Variants in RERE observed in about 807,000 individuals in gnomAD.
The protein encoded by RERE is arginine-glutamic acid dipeptide repeats protein.
RERE carries 40 observed loss-of-function variants against 146.1 expected under a neutral mutation model. The observed-to-expected ratio is 0.27, with a 90% CI of 0.21 to 0.36. The LOEUF (loss-of-function observed/expected upper bound fraction) is 0.36. Among genes scored for constraint, RERE ranks in the 10% least tolerant of loss-of-function variants. The pLI, the probability that RERE is intolerant of heterozygous loss-of-function variation, is 1.00. For missense variants in RERE, 1,933 were observed against 2,138.7 expected, an observed-to-expected ratio of 0.90 and a Z score of 1.90; for synonymous variants, 1,003 against 866.0, an observed-to-expected ratio of 1.16 and a Z score of -2.78.
intron 1 of RERE, among the ~76,000 whole-genome samples, chr1:8,657,655 T>G (rs1034488757): frequency 6.6e-6 from 1 of 152,144 alleles, no homozygotes; most frequent in Non-Finnish European, 1.5e-5. Flanking sequence ...GAGACCAGCC[T>G]GGCCAACGTG....
intron 1 of RERE, among the ~76,000 whole-genome samples, chr1:8,795,011 T>A (rs1323441472): frequency 6.6e-6 from 1 of 152,080 alleles, no homozygotes; most frequent in African/African-American, 2.4e-5. Context: ...AGACAGGGTC[T>A]CCCTATGTTA....
chr1:8,477,844 G>A (rs1385410552), intron 10 of RERE, among the ~76,000 whole-genome samples: 1 of 151,638 alleles, frequency 6.6e-6, no homozygotes, highest in East Asian at 2.0e-4. Context: ...TTTTGGCAAT[G>A]ATAATGAAGT....
At chr1:8,631,366 C>T (rs1647033261) in intron 2 of RERE, among the ~76,000 whole-genome samples, 1 of 152,180 alleles carries the variant, frequency 6.6e-6, no homozygotes, top group African/African-American at 2.4e-5. Flanking sequence ...ACCACCACTA[C>T]ACTCCAGCCT....
intron 1 of RERE, among the ~76,000 whole-genome samples, chr1:8,785,189 C>T (rs1641237777): frequency 1.3e-5 from 2 of 152,120 alleles, no homozygotes; most frequent in Non-Finnish European, 2.9e-5. Flanking sequence ...TTTACATGCC[C>T]CCTCAGTATG....
At chr1:8,633,910 C>T (rs570591748) in intron 2 of RERE, among the ~76,000 whole-genome samples, 6 of 152,246 alleles carry the variant, frequency 3.9e-5, no homozygotes, top group African/African-American at 1.4e-4. Context: ...GCCTGAGCAA[C>T]AGAGTGAGAC....
intron 1 of RERE, among the ~76,000 whole-genome samples, chr1:8,692,774 G>C (rs1639234746): frequency 6.6e-6 from 1 of 152,154 alleles, no homozygotes; most frequent in South Asian, 2.1e-4. Flanking sequence ...CGTGGACACA[G>C]AAGCCAAGAA....
intron 1 of RERE, among the ~76,000 whole-genome samples, chr1:8,657,253 C>T (rs6693936): frequency 6.8e-6 from 1 of 146,342 alleles, no homozygotes; most frequent in South Asian, 2.1e-4. Flanking sequence ...TGTAGTGAGC[C>T]GAGATTGTGC....
chr1:8,650,187 C>T (rs551292837), intron 2 of RERE, among the ~76,000 whole-genome samples: 2 of 152,202 alleles, frequency 1.3e-5, no homozygotes, highest in East Asian at 1.9e-4. Context: ...GAGATTAAAC[C>T]GTAGTGATAA....
intron 1 of RERE, among the ~76,000 whole-genome samples, chr1:8,809,278 T>C (rs1163016030): frequency 6.6e-6 from 1 of 151,976 alleles, no homozygotes; most frequent in Admixed American, 6.6e-5. Flanking sequence ...ATATTATAGA[T>C]ATACAACATA....
intron 7 of RERE, among the ~76,000 whole-genome samples, chr1:8,536,533 G>A (rs1208297723): frequency 6.6e-6 from 1 of 152,220 alleles, no homozygotes; most frequent in African/African-American, 2.4e-5. Context: ...CGACGCTGGT[G>A]TTTTAGCCAA....
At chr1:8,515,938 C>T (rs533335211) in intron 7 of RERE, among the ~76,000 whole-genome samples, 241 of 151,872 alleles carry the variant, frequency 1.6e-3, no homozygotes, top group African/African-American at 5.3e-3. Flanking sequence ...AGGTGTAGGC[C>T]GGGTGCGGTG....
intron 1 of RERE, among the ~76,000 whole-genome samples, chr1:8,772,133 C>T (rs114319718): frequency 4.1e-4 from 63 of 151,972 alleles, no homozygotes; most frequent in African/African-American, 1.5e-3. Context: ...AGAAAAGACA[C>T]CAAAATACAG....
chr1:8,410,403 A>AT (rs1643581543), intron 12 of RERE, among the ~76,000 whole-genome samples: 1 of 152,212 alleles, frequency 6.6e-6, no homozygotes. Flanking sequence ...ACAGGCCCAC[A>AT]TGAAGAGCCT....
chr1:8,789,349 A>T (rs1296162491), intron 1 of RERE, among the ~76,000 whole-genome samples: 1 of 144,176 alleles, frequency 6.9e-6, no homozygotes, highest in East Asian at 2.0e-4. Flanking sequence ...TGAAAGCCAA[A>T]TACTTTACCA....
intron 4 of RERE, among the ~76,000 whole-genome samples, chr1:8,567,642 AT>A (rs1433139407): frequency 2.6e-5 from 4 of 152,300 alleles, no homozygotes; most frequent in Admixed American, 6.5e-5. Flanking sequence ...CTCATTAAGG[AT>A]TTTCTACTTA....
chr1:8,481,368 C>G (rs1278421671), intron 10 of RERE, among the ~76,000 whole-genome samples: 3 of 152,166 alleles, frequency 2.0e-5, no homozygotes, highest in African/African-American at 7.2e-5. Context: ...CCTGCCTTGG[C>G]CTCCCAAAGT....
intron 12 of RERE, among the ~76,000 whole-genome samples, chr1:8,397,153 C>G (rs1353123925): frequency 1.3e-5 from 2 of 152,218 alleles, no homozygotes; most frequent in Admixed American, 1.3e-4. Flanking sequence ...GCCCAAGTTC[C>G]AGTTCCAATT....
intron 4 of RERE, among the ~76,000 whole-genome samples, chr1:8,571,235 T>C (rs529176934): frequency 2.0e-5 from 3 of 152,360 alleles, no homozygotes; most frequent in Admixed American, 6.5e-5. Flanking sequence ...AAAAGAAAGA[T>C]ATTAGCTTAC....
At chr1:8,412,976 C>G (rs1344183936) in intron 12 of RERE, among the ~76,000 whole-genome samples, 1 of 152,084 alleles carries the variant, frequency 6.6e-6, no homozygotes, top group African/African-American at 2.4e-5. Context: ...TTCCTTTGGT[C>G]TGTTAGATTT....
Sources: allele counts gnomAD v4.1 joint callset (sites outside exome capture counted in the v4.1 genomes callset), GRCh38; gene constraint gnomAD v4.1.1; transcripts MANE v1.5; gene names NCBI Gene and HGNC (gene_info 2026-07-23, HGNC 2026-07-21).